ASPH: variants seen among roughly 807,000 people sequenced by gnomAD.
ASPH encodes aspartate beta-hydroxylase, also known as aspartyl/asparaginyl beta-hydroxylase.
Under a neutral mutation model 118.4 loss-of-function variants are expected in ASPH, and 100 were observed. The ratio of observed to expected loss-of-function variants is 0.84; its 90% CI spans 0.72 to 1.00. The LOEUF (loss-of-function observed/expected upper bound fraction) is 1.00, where lower values mean the gene tolerates loss of function less well. Ranked by LOEUF, ASPH falls within the 50% of genes least tolerant of loss-of-function variation. The probability of loss-of-function intolerance (pLI) is 0.00; values close to 1 mark genes in which losing one functional copy is unlikely to be tolerated. For missense variants in ASPH, 920 were observed against 919.5 expected, an observed-to-expected ratio of 1.00 and a Z score of -0.01; for synonymous variants, 315 against 325.6, an observed-to-expected ratio of 0.97 and a Z score of 0.35.
chr8:61,657,323 T>C (rs1563424758), intron 3 of ASPH: 1 of 152,148 alleles, frequency 6.6e-6, no homozygotes, highest in Non-Finnish European at 1.5e-5. Context: ...TGGAAATACA[T>C]GTTGAAATGT....
chr8:61,578,722 T>C (rs1836251917), intron 15 of ASPH: 4 of 1,608,676 alleles, frequency 2.5e-6, no homozygotes, highest in Non-Finnish European at 3.4e-6. Flanking sequence ...CTTGGCAACA[T>C]GCAGAGGCTG....
At chr8:61,515,058 GGAGA>G (rs1810383083) in intron 24 of ASPH, among the ~76,000 whole-genome samples, 1 of 150,506 alleles carries the variant, frequency 6.6e-6, no homozygotes, top group South Asian at 2.1e-4. Flanking sequence ...AGGGAGGGAG[GGAGA>G]GAGAAAAAAT....
chr8:61,576,015 C>T (rs1057027043), intron 16 of ASPH, among the ~76,000 whole-genome samples: 2 of 152,232 alleles, frequency 1.3e-5, no homozygotes, highest in Non-Finnish European at 2.9e-5. Context: ...ACCTTCCCCT[C>T]GTTCTTGCCT....
At chr8:61,708,267 C>T (rs1384280406) in intron 1 of ASPH, among the ~76,000 whole-genome samples, 1 of 152,098 alleles carries the variant, frequency 6.6e-6, no homozygotes. Context: ...AGCTCTCTGC[C>T]AAAAAGCAAA....
intron 21 of ASPH, among the ~76,000 whole-genome samples, chr8:61,533,518 G>A (rs1474647329): frequency 1.3e-5 from 2 of 152,182 alleles, no homozygotes; most frequent in Non-Finnish European, 2.9e-5. Context: ...ATCCTTGGCT[G>A]TCAGTCCTAT....
rs368664331 is a variant in ASPH at position 61,578,163 on chromosome 8, G to A, written c.1063-1305C>T. On this transcript the variant is annotated intron_variant, in intron 15 of 24. Coordinates refer to ENST00000379454, the MANE Select transcript of ASPH (RefSeq NM_004318.4). ...AATTGGACCAAGAAGCAGCTTCTCC[G>A]CTCCTTCTAGGATCTCCGCCTGGTT... The A allele has an allele frequency of 8.0e-5, 120 of 1,504,800 alleles. 3 individuals are homozygous for A. Among genetic ancestry groups the A allele is most frequent in the East Asian group, 7.6e-4 (32 of 41,936 alleles). 93.2% of individuals were successfully genotyped at this position (1,504,800 alleles called of 1,614,324 possible). A position where few individuals can be genotyped will look rare whatever the true frequency, so the allele number is the denominator to read the frequency against.
chr8:61,562,152 C>T (rs1343151771), intron 18 of ASPH, among the ~76,000 whole-genome samples: 2 of 152,302 alleles, frequency 1.3e-5, no homozygotes, highest in East Asian at 3.9e-4. Context: ...AATTCCTCCA[C>T]TGCCTAAAGA....
chr8:61,578,821 A>T, intron 15 of ASPH: 1 of 1,611,406 alleles, frequency 6.2e-7, no homozygotes, highest in Non-Finnish European at 8.5e-7. Flanking sequence ...AAGGATGTGG[A>T]TGAAGCTTAC....
chr8:61,553,123 G>A lies in ASPH; in HGVS notation c.1537-3C>T. On this transcript the variant is annotated splice_region_variant and splice_polypyrimidine_tract_variant and intron_variant, in intron 19 of 24. Coordinates refer to ENST00000379454, the MANE Select transcript of ASPH (RefSeq NM_004318.4). ...GGATCTCCGGATTCTATTCCTTCCT[G>A]TAGAAAGGACAGTGTTAGTATGGGT... 6.2e-7 allele frequency: 1 copy of A among 1,602,508 alleles called. No homozygotes were observed. The highest frequency in any genetic ancestry group is 8.5e-7 in the Non-Finnish European group (1 of 1,169,716).
chr8:61,714,514 C>T lies in ASPH; in HGVS notation c.-143G>A. ...TCCTGCAGCAGACCCTGTGCCTCAG[C>T]ACCGCCTGCAGCACCTGGGAAGACT... On this transcript the variant is annotated 5_prime_UTR_variant, in exon 1 of 25. Coordinates refer to ENST00000379454, the MANE Select transcript of ASPH (RefSeq NM_004318.4). The T allele has an allele frequency of 1.6e-6, 2 of 1,214,132 alleles. No individual in the cohort carries two copies. The highest frequency in any genetic ancestry group is 2.1e-6 in the Non-Finnish European group (2 of 943,192). The allele number at this position is 1,214,132 out of a possible 1,614,324, so 75.2% of individuals were successfully genotyped here.
At chr8:61,706,030 T>C (rs374237879) in intron 1 of ASPH, among the ~76,000 whole-genome samples, 2 of 152,272 alleles carry the variant, frequency 1.3e-5, no homozygotes, top group South Asian at 4.1e-4. Flanking sequence ...AAAAATACTA[T>C]TGAAAATGTT....
At chr8:61,584,483 G>A (rs535699035) in intron 14 of ASPH, among the ~76,000 whole-genome samples, 92 of 152,210 alleles carry the variant, frequency 6.0e-4, no homozygotes, top group African/African-American at 2.2e-3. Flanking sequence ...GAATTTCTTC[G>A]TTTAGCATTC....
At chr8:61,512,591 C>A (rs1278719933) in intron 24 of ASPH, among the ~76,000 whole-genome samples, 1 of 152,144 alleles carries the variant, frequency 6.6e-6, no homozygotes, top group Non-Finnish European at 1.5e-5. Flanking sequence ...GTAAGTCATT[C>A]AGTTTGTGAT....
At position 61,502,509 on chromosome 8, in the gene ASPH, C is replaced by T. The variant is rs1432518963; in HGVS notation, c.*850G>A. On this transcript the variant is annotated 3_prime_UTR_variant, in exon 25 of 25. Transcript: ENST00000379454. The stretch of plus-strand genomic sequence containing the variant: ...ACCTATCCACCCAACCCTGAAAGAA[C>T]ATAGTTTTATTTCCGTGAACTATAC... 1.3e-5 allele frequency: 2 copies of T among 152,162 alleles called. No individual in the cohort carries two copies. The highest frequency in any genetic ancestry group is 2.9e-5 in the Non-Finnish European group (2 of 68,036). 9.4% of individuals were successfully genotyped at this position (152,162 alleles called of 1,614,324 possible).
chr8:61,536,970 A>G (rs527817900), intron 21 of ASPH, among the ~76,000 whole-genome samples: 1 of 152,344 alleles, frequency 6.6e-6, no homozygotes, highest in East Asian at 1.9e-4. Context: ...GTGACAGGAG[A>G]GTCTTGGAGA....
chr8:61,702,354 G>A (rs11786468), intron 1 of ASPH, among the ~76,000 whole-genome samples: 1 of 142,972 alleles, frequency 7.0e-6, no homozygotes, highest in East Asian at 2.1e-4. Context: ...GTGCAATCTT[G>A]GCTCACTGCA....
chr8:61,580,167 C>T (rs187002863), intron 15 of ASPH, among the ~76,000 whole-genome samples: 67 of 152,248 alleles, frequency 4.4e-4, no homozygotes, highest in African/African-American at 1.5e-3. Flanking sequence ...TAGGTATCTG[C>T]GGCTTTTCCA....
At chr8:61,568,737 T>C (rs778905524) in intron 16 of ASPH, among the ~76,000 whole-genome samples, 12 of 151,998 alleles carry the variant, frequency 7.9e-5, no homozygotes, top group Non-Finnish European at 1.5e-4. Flanking sequence ...AGAACTCCAA[T>C]GTTTAAAGGT....
chr8:61,636,332 G>C (rs767696349), intron 12 of ASPH, among the ~76,000 whole-genome samples: 1 of 152,178 alleles, frequency 6.6e-6, no homozygotes, highest in Non-Finnish European at 1.5e-5. Flanking sequence ...TTTAAGAAAT[G>C]TTTAGGGAGT....
Sources: allele counts gnomAD v4.1 joint callset (sites outside exome capture counted in the v4.1 genomes callset), GRCh38; gene constraint gnomAD v4.1.1; transcripts MANE v1.5; gene names NCBI Gene and HGNC (gene_info 2026-07-23, HGNC 2026-07-21).